The following WDR64 variants were observed in gnomAD, a reference collection of about 807,000 sequenced individuals.
WDR64 encodes the protein WD repeat domain 64, also known as WD repeat-containing protein 64.
Under a neutral mutation model 139.3 loss-of-function variants are expected in WDR64, and 112 were observed. The ratio of observed to expected loss-of-function variants is 0.80; its 90% CI spans 0.69 to 0.94. The LOEUF (loss-of-function observed/expected upper bound fraction) is 0.94. Ranked by LOEUF, WDR64 falls within the 40% of genes least tolerant of loss-of-function variation. The pLI is 0.00. For missense variants in WDR64, 1,206 were observed against 1,293.1 expected (o/e 0.93, Z 1.03); for synonymous variants, 444 against 437.7 (o/e 1.01, Z -0.18).
rs781505117 is a variant in WDR64, at chr1:241,687,533, CT to C, written c.913del (p.Cys305AlafsTer3). 1.9e-6 allele frequency: 3 copies of C among 1,613,720 alleles called. No individual in the cohort carries two copies. Among genetic ancestry groups the C allele is most frequent in the Non-Finnish European group, 2.5e-6 (3 of 1,179,782 alleles). On this transcript the variant is annotated frameshift_variant, in exon 8 of 28. Transcript: ENST00000437684. LOFTEE classifies it high-confidence loss of function. ...TTTCAGCCCTAAATTGTTTTGGATC[CT>C]GCTCCTTAGACAGTAATCATTCATT... ...YISALNCFGS[C>X]SLDSNHSLVL...
At chr1:241,735,256 A>T (rs751974125) in intron 10 of WDR64, among the ~76,000 whole-genome samples, 3 of 152,156 alleles carry the variant, frequency 2.0e-5, no homozygotes, top group Admixed American at 1.3e-4. Flanking sequence ...TTAAATGCTG[A>T]TGGAATCCTG....
intron 25 of WDR64, among the ~76,000 whole-genome samples, chr1:241,794,103 C>T (rs1192534399): frequency 6.6e-6 from 1 of 151,702 alleles, no homozygotes; most frequent in Non-Finnish European, 1.5e-5. Context: ...ATCCCTTGAA[C>T]TCAGGAGGCA....
Position 241,674,507 on chromosome 1 carries a change from A to G in WDR64, c.380-137A>G, listed in dbSNP as rs976589185. Reference sequence around the variant, plus strand: ...TGGACTTGAGCAATCCACCTTCCTTAGCCTCTCAAAATTCTGGGATTACAG... The same window carrying G: ...TGGACTTGAGCAATCCACCTTCCTTGGCCTCTCAAAATTCTGGGATTACAG... On this transcript the variant is annotated intron_variant, in intron 3 of 27. Transcript: ENST00000437684. 1.1e-5 allele frequency: 6 copies of G among 558,662 alleles called. 1 individual carries two copies. The highest frequency in any genetic ancestry group is 6.7e-5 in the Admixed American group (2 of 29,642). The allele number at this position is 558,662 out of a possible 1,614,324, so 34.6% of individuals were successfully genotyped here. A position where few individuals can be genotyped will look rare whatever the true frequency, so the allele number is the denominator to read the frequency against.
At chr1:241,760,959 G>A (rs1001188101) in intron 15 of WDR64, among the ~76,000 whole-genome samples, 25 of 151,490 alleles carry the variant, frequency 1.7e-4, no homozygotes, top group African/African-American at 6.1e-4. Flanking sequence ...TGTGTCTTTG[G>A]GATAGATTCC....
intron 10 of WDR64, among the ~76,000 whole-genome samples, chr1:241,729,885 T>C (rs932015962): frequency 6.6e-6 from 1 of 152,220 alleles, no homozygotes; most frequent in Non-Finnish European, 1.5e-5. Context: ...GAAACATCCA[T>C]GATTGAGAAC....
chr1:241,800,737 G>A (rs1275060412), intron 27 of WDR64, among the ~76,000 whole-genome samples: 3 of 152,096 alleles, frequency 2.0e-5, no homozygotes, highest in South Asian at 2.1e-4. Flanking sequence ...TGAGCCAACC[G>A]ACTCTGATGT....
chr1:241,668,883 G>C (rs568043761), intron 2 of WDR64, among the ~76,000 whole-genome samples: 97 of 151,122 alleles, frequency 6.4e-4, no homozygotes, highest in Non-Finnish European at 7.8e-4. Context: ...CTGGGTGACA[G>C]GGCAAGACTC....
intron 17 of WDR64, 116 bp from the exon 18 acceptor site, chr1:241,770,505 G>A (rs1658387306): frequency 1.2e-6 from 1 of 851,696 alleles, no homozygotes. Flanking sequence ...GAGTGGCTCA[G>A]TATCCACAGA....
intron 9 of WDR64, among the ~76,000 whole-genome samples, chr1:241,719,320 AAAC>A (rs1285453970): frequency 2.0e-5 from 3 of 152,188 alleles, no homozygotes; most frequent in African/African-American, 7.2e-5. Context: ...ATGTGACAGT[AAAC>A]AACAACAAGT....
chr1:241,736,072 A>G (rs913794355), intron 10 of WDR64, among the ~76,000 whole-genome samples: 4 of 152,080 alleles, frequency 2.6e-5, no homozygotes, highest in African/African-American at 9.7e-5. Context: ...ATAAGGACAG[A>G]GCACAGCCTG....
At chr1:241,779,735 CAGA>C (rs1220292989) in intron 21 of WDR64, among the ~76,000 whole-genome samples, 2 of 152,066 alleles carry the variant, frequency 1.3e-5, no homozygotes, top group Admixed American at 1.3e-4. Context: ...GAGGCTGAGG[CAGA>C]AGAATTGCTT....
Position 241,784,976 on chromosome 1 carries a change from A to AAAAAAAAAAG in WDR64, c.2705+1595_2705+1596insAAAAAAAAAG, listed in dbSNP as rs138513526. 1.8e-4 allele frequency among the ~76,000 whole-genome samples: 18 copies of AAAAAAAAAAG among 98,402 alleles called. 3 individuals carry two copies. The highest frequency in any genetic ancestry group is 0.014 in the Middle Eastern group (2 of 140). 64.6% of individuals were successfully genotyped at this position (98,402 alleles called of 152,430 possible). A position where few individuals can be genotyped will look rare whatever the true frequency, so the allele number is the denominator to read the frequency against. On this transcript the variant is annotated intron_variant, in intron 23 of 27. Coordinates refer to ENST00000437684, the MANE Select transcript of WDR64 (RefSeq NM_001367482.1). ...CTGAAAAAAAAAAAAAAAAAAAAAA[A>AAAAAAAAAAG]GAAAGGACATCTGCTGTTTTATTTG...
At chr1:241,772,399 T>C (rs1027012898) in intron 19 of WDR64, among the ~76,000 whole-genome samples, 3 of 148,158 alleles carry the variant, frequency 2.0e-5, no homozygotes, top group Non-Finnish European at 4.5e-5. Context: ...CCTTGTGTTT[T>C]ACATTCCATA....
chr1:241,657,538 C>T (rs1321621055), intron 1 of WDR64, among the ~76,000 whole-genome samples: 1 of 152,148 alleles, frequency 6.6e-6, no homozygotes, highest in Non-Finnish European at 1.5e-5. Context: ...TGTGCAGCCA[C>T]AGGCCTTCGT....
At chr1:241,657,414 C>T (rs1052923589) in intron 1 of WDR64, among the ~76,000 whole-genome samples, 9 of 152,140 alleles carry the variant, frequency 5.9e-5, no homozygotes, top group African/African-American at 1.9e-4. Context: ...ATAAAATACC[C>T]GCTTCTGACT....
intron 1 of WDR64, among the ~76,000 whole-genome samples, chr1:241,655,533 A>G (rs116275456): frequency 0.016 from 2,370 of 152,300 alleles, 60 homozygotes; most frequent in African/African-American, 0.053. Flanking sequence ...CTAACAAAGC[A>G]TGCAAGGTCA....
chr1:241,757,485 T>A, intron 15 of WDR64, 26 bp downstream of exon 15: 1 of 1,577,868 alleles, frequency 6.3e-7, no homozygotes, highest in East Asian at 2.3e-5. Flanking sequence ...TGGTTTCTTT[T>A]TAACTTTTGC....
chr1:241,666,566 T>C (rs972798589), intron 2 of WDR64, among the ~76,000 whole-genome samples: 2 of 152,220 alleles, frequency 1.3e-5, no homozygotes, highest in Non-Finnish European at 2.9e-5. Flanking sequence ...AATATATGCA[T>C]GCTAAAATGC....
chr1:241,774,287 G>A (rs1245683660), intron 20 of WDR64, among the ~76,000 whole-genome samples: 4 of 152,166 alleles, frequency 2.6e-5, no homozygotes, highest in Admixed American at 1.3e-4. Flanking sequence ...GTAGATCCTA[G>A]CTTATTCGTG....
Sources: gnomAD v4.1 joint callset for allele counts (sites outside exome capture counted in the v4.1 genomes callset) on GRCh38, gnomAD v4.1.1 for gene constraint, MANE v1.5 for transcripts, NCBI Gene and HGNC (gene_info 2026-07-23, HGNC 2026-07-21) for gene names.